Variants in TENM1 observed in about 807,000 individuals in gnomAD.
TENM1 encodes teneurin transmembrane protein 1.
A neutral mutation model predicts 174.8 loss-of-function variants in TENM1; 35 were observed. That is an observed-to-expected ratio of 0.20 (90% CI 0.15 to 0.27). The LOEUF (loss-of-function observed/expected upper bound fraction) is 0.27, where lower values mean the gene tolerates loss of function less well. TENM1 is among the 10% of genes least tolerant of loss of function. The pLI is 1.00. For missense variants in TENM1, 1,633 were observed against 2,130.1 expected, an observed-to-expected ratio of 0.77 and a Z score of 4.59; for synonymous variants, 781 against 798.7, an observed-to-expected ratio of 0.98 and a Z score of 0.37.
intron 3 of TENM1, among the ~76,000 whole-genome samples, chrX:124,777,743 T>A (rs1217957188): frequency 8.9e-6 from 1 of 112,515 alleles, no homozygotes; most frequent in Admixed American, 9.4e-5. Flanking sequence ...GGAATATCCT[T>A]CCTTGTATTG....
chrX:125,189,494 A>G, the TENM1 span, among the ~76,000 whole-genome samples: 1 of 112,275 alleles, frequency 8.9e-6, no homozygotes, highest in Non-Finnish European at 1.9e-5. Flanking sequence ...AGGACTGACT[A>G]TTGGTTTTGG....
At chrX:125,016,803 A>G in the TENM1 span, among the ~76,000 whole-genome samples, 1 of 111,507 alleles carries the variant, frequency 9.0e-6, no homozygotes, top group African/African-American at 3.3e-5. Flanking sequence ...ACATTACCCG[A>G]CCTCAAATTA....
At chrX:124,510,578 T>G (rs943428772) in intron 18 of TENM1, among the ~76,000 whole-genome samples, 4 of 111,872 alleles carry the variant, frequency 3.6e-5, no homozygotes, top group African/African-American at 1.3e-4. Flanking sequence ...CCCTCTGATA[T>G]GGGTTGGTAG....
At chrX:124,539,243 T>C (rs1348545954) in intron 15 of TENM1, among the ~76,000 whole-genome samples, 2 of 111,844 alleles carry the variant, frequency 1.8e-5, no homozygotes, top group Non-Finnish European at 3.8e-5. Context: ...AAGAAACATT[T>C]ATACCAAGAT....
At chrX:124,892,948 A>G (rs937140981) in intron 3 of TENM1, among the ~76,000 whole-genome samples, 2 of 112,426 alleles carry the variant, frequency 1.8e-5, no homozygotes, top group Non-Finnish European at 3.8e-5. Context: ...GATAAAGTCA[A>G]TGGGAAATAA....
chrX:124,438,242 G>C (rs1243674357), intron 23 of TENM1, among the ~76,000 whole-genome samples: 1 of 111,418 alleles, frequency 9.0e-6, no homozygotes, highest in Non-Finnish European at 1.9e-5. Flanking sequence ...ACTGAATCTT[G>C]ACTAGTATTC....
At chrX:124,642,928 C>T (rs748672546) in intron 10 of TENM1, among the ~76,000 whole-genome samples, 38 of 112,334 alleles carry the variant, frequency 3.4e-4, no homozygotes, top group Non-Finnish European at 5.4e-4. Context: ...GACAACCCGC[C>T]TGCATTTCCA....
chrX:124,578,094 T>TAA (rs35737332), intron 11 of TENM1, among the ~76,000 whole-genome samples: 2 of 107,047 alleles, frequency 1.9e-5, no homozygotes, highest in African/African-American at 6.9e-5. Context: ...CCCAGCTAAT[T>TAA]AAAAAAAATT....
At chrX:124,812,620 C>T (rs1187817342) in intron 3 of TENM1, among the ~76,000 whole-genome samples, 2 of 111,039 alleles carry the variant, frequency 1.8e-5, no homozygotes, top group Non-Finnish European at 3.8e-5. Context: ...TGCTGAAGGA[C>T]TTCATTGATC....
intron 3 of TENM1, among the ~76,000 whole-genome samples, chrX:124,737,931 T>G (rs887217278): frequency 8.9e-6 from 1 of 112,169 alleles, no homozygotes; most frequent in African/African-American, 3.2e-5. Context: ...GGAAACAGAT[T>G]TTTTTTCTGC....
intron 4 of TENM1, among the ~76,000 whole-genome samples, chrX:124,723,608 T>G (rs907652709): frequency 4.0e-5 from 4 of 100,078 alleles, no homozygotes; most frequent in Non-Finnish European, 8.1e-5. Flanking sequence ...TTTTTGTTTT[T>G]TTTTTTTTTT....
At chrX:124,591,177 T>C (rs1041025705) in intron 11 of TENM1, among the ~76,000 whole-genome samples, 8 of 112,049 alleles carry the variant, frequency 7.1e-5, no homozygotes, top group Admixed American at 6.6e-4. Flanking sequence ...CTTGTTTTTT[T>C]ATCCAACTTG....
chrX:125,044,774 A>T, the TENM1 span, among the ~76,000 whole-genome samples: 32 of 111,292 alleles, frequency 2.9e-4, no homozygotes, highest in African/African-American at 1.0e-3. Context: ...AACCATCTGA[A>T]AGAATGGAAA....
intron 8 of TENM1, among the ~76,000 whole-genome samples, chrX:124,649,547 A>C (rs895003868): frequency 8.9e-6 from 1 of 112,460 alleles, no homozygotes; most frequent in African/African-American, 3.2e-5. Flanking sequence ...AGTGTAAAGC[A>C]TCTAGTACAG....
chrX:125,012,619 A>C, the TENM1 span, among the ~76,000 whole-genome samples: 2 of 111,979 alleles, frequency 1.8e-5, no homozygotes, highest in African/African-American at 6.5e-5. Flanking sequence ...AATAATTTCT[A>C]TATCCAGTTG....
chrX:125,051,861 A>C, the TENM1 span, among the ~76,000 whole-genome samples: 1 of 105,429 alleles, frequency 9.5e-6, no homozygotes, highest in Admixed American at 1.0e-4. Flanking sequence ...AATTAAACTA[A>C]AGAGCTTCTG....
intron 3 of TENM1, among the ~76,000 whole-genome samples, chrX:124,828,899 G>C (rs188627069): frequency 5.3e-5 from 6 of 112,197 alleles, no homozygotes; most frequent in Admixed American, 4.7e-4. Context: ...ATATTTATAT[G>C]TTCTTTGGAA....
At chrX:124,486,191 C>A (rs191943295) in intron 21 of TENM1, among the ~76,000 whole-genome samples, 328 of 112,035 alleles carry the variant, frequency 2.9e-3, no homozygotes, top group Middle Eastern at 9.2e-3. Flanking sequence ...TGTCTCAATG[C>A]AAATTGCAAT....
chrX:124,714,102 G>A (rs2053124967), intron 4 of TENM1, among the ~76,000 whole-genome samples: 1 of 111,582 alleles, frequency 9.0e-6, no homozygotes. Context: ...TACTTCATGT[G>A]CTTTTTCTCA....
Sources: allele counts gnomAD v4.1 joint callset (sites outside exome capture counted in the v4.1 genomes callset), GRCh38; gene constraint gnomAD v4.1.1; transcripts MANE v1.5; gene names NCBI Gene and HGNC (gene_info 2026-07-23, HGNC 2026-07-21).